The following ACOX3 variants were observed in gnomAD, a reference collection of about 807,000 sequenced individuals.
ACOX3 encodes the protein acyl-CoA oxidase 3, pristanoyl, also known as peroxisomal acyl-coenzyme A oxidase 3.
In ACOX3, 73 loss-of-function variants were observed where a neutral mutation model predicts 81.5. That is an observed-to-expected ratio of 0.90 (90% CI 0.74 to 1.09). The LOEUF is 1.09. ACOX3 is among the 50% of genes least tolerant of loss of function. The pLI is 0.00. For missense variants in ACOX3, 947 were observed against 928.0 expected (o/e 1.02, Z -0.27); for synonymous variants, 387 against 375.1 (o/e 1.03, Z -0.37).
chr4:8,436,125 A>G (rs1267245904), intron 1 of ACOX3: 1 of 152,170 alleles, frequency 6.6e-6, no homozygotes, highest in Non-Finnish European at 1.5e-5. Context: ...CCATTGATCT[A>G]CTAAACTGGA....
At position 8,437,885 on chromosome 4, in the gene ACOX3, C is replaced by CTTA. The variant is rs756881018; in HGVS notation, c.-15+2760_-15+2762dup. On this transcript the variant is annotated intron_variant, in intron 1 of 17. Transcript: ENST00000356406. This position sits in a 1 kb window ranked among gnomAD's most constrained non-coding sequence, Gnocchi z 5.2. Reference sequence around the variant, plus strand: ...AAGACTAGGGCAGACTAGGCACCTTCTTATTAGGCTCCCAGGAGCCCATTG... The same window carrying CTTA: ...AAGACTAGGGCAGACTAGGCACCTTCTTATTATTAGGCTCCCAGGAGCCCATTG... Among the ~76,000 whole-genome samples the CTTA allele has an allele frequency of 2.1e-4, 32 of 152,342 alleles. No individual in the cohort carries two copies. The highest frequency in any genetic ancestry group is 4.1e-4 in the Non-Finnish European group (28 of 68,030).
Position 8,387,700 on chromosome 4 carries a change from G to A in ACOX3, c.1537+1473C>T, listed in dbSNP as rs1007772325. On this transcript the variant is annotated intron_variant, in intron 13 of 17. Coordinates refer to ENST00000356406, the MANE Select transcript of ACOX3 (RefSeq NM_003501.3). The stretch of plus-strand genomic sequence containing the variant: ...TCCAGCCCTGCTCTTCTGTCAAATC[G>A]CACCCAGACCACTGGGCAAGAAGCA... 3.3e-5 allele frequency among the ~76,000 whole-genome samples: 5 copies of A among 152,286 alleles called. 1 individual carries two copies. The highest frequency in any genetic ancestry group is 3.9e-4 in the East Asian group (2 of 5,168).
At chr4:8,367,879 C>T (rs1334532313) in intron 17 of ACOX3, among the ~76,000 whole-genome samples, 1 of 142,984 alleles carries the variant, frequency 7.0e-6, no homozygotes, top group African/African-American at 2.6e-5. Flanking sequence ...GTAGTTCTAG[C>T]TACTTGGGAG....
chr4:8,416,357 G>A lies in ACOX3; in HGVS notation c.144+21C>T, dbSNP rs1322757234. Reference sequence around the variant, plus strand: ...ACCCCACTGGGAAAAAAGACAAGCTGCGCACAACCGCACGCCTCACCTTAA... The same window carrying A: ...ACCCCACTGGGAAAAAAGACAAGCTACGCACAACCGCACGCCTCACCTTAA... On this transcript the variant is annotated intron_variant, in intron 2 of 17. Transcript: ENST00000356406. The surrounding 1 kb of genome is among the most constrained non-coding windows in gnomAD (Gnocchi z 4.2). 1 of 1,614,046 alleles carries A rather than the reference G, an allele frequency of 6.2e-7. No homozygotes were observed. Among genetic ancestry groups the A allele is most frequent in the Non-Finnish European group, 8.5e-7 (1 of 1,180,030 alleles).
chr4:8,356,586 G>A, the ACOX3 span: 9 of 456,574 alleles, frequency 2.0e-5, no homozygotes, highest in Non-Finnish European at 4.0e-5. Context: ...CACAGAGGAA[G>A]AAAGTGTGCA....
chr4:8,373,441 TGTCA>T (rs1716507236), intron 16 of ACOX3, 116 bp downstream of exon 16: 3 of 1,032,744 alleles, frequency 2.9e-6, no homozygotes, highest in Middle Eastern at 2.8e-4. Context: ...AGGGGGTGCG[TGTCA>T]GTCTGGGTGA....
At chr4:8,375,787 A>G (rs10030108) in intron 14 of ACOX3, among the ~76,000 whole-genome samples, 104,678 of 152,154 alleles carry the variant, frequency 0.69, 37,428 homozygotes, top group African/African-American at 0.89. Context: ...CTGTTGCTGC[A>G]TTAGTCTGCT....
At chr4:8,374,775 G>T in intron 15 of ACOX3, 2 of 496,170 alleles carry the variant, frequency 4.0e-6, no homozygotes, top group Non-Finnish European at 6.7e-6. Context: ...AAGAAAAATT[G>T]GGTTTCTCGG....
At position 8,437,378 on chromosome 4, in the gene ACOX3, C is replaced by T. The variant is rs1051654500; in HGVS notation, c.-15+3270G>A. On this transcript the variant is annotated intron_variant, in intron 1 of 17. Coordinates refer to ENST00000356406, the MANE Select transcript of ACOX3 (RefSeq NM_003501.3). The surrounding 1 kb of genome is among the most constrained non-coding windows in gnomAD (Gnocchi z 5.2). Reference sequence around the variant, plus strand: ...TAGAAAAAAAGAGGAGGCTAGAGACCGGTGCCAAGAGAAGAGCAAAACAAA... The same window carrying T: ...TAGAAAAAAAGAGGAGGCTAGAGACTGGTGCCAAGAGAAGAGCAAAACAAA... Among the ~76,000 whole-genome samples, 5 of 151,850 alleles carry T rather than the reference C, an allele frequency of 3.3e-5. No homozygotes were observed. The highest frequency in any genetic ancestry group is 2.9e-5 in the Non-Finnish European group (2 of 67,998).
At position 8,389,359 on chromosome 4, in the gene ACOX3, C is replaced by T. The variant is rs1718690043; in HGVS notation, c.1424-73G>A. The stretch of plus-strand genomic sequence containing the variant: ...CATTGGGAACCCCAAGCTGGGGGCA[C>T]CCCAAAGCACAGAGAGTGTCCAGAG... On this transcript the variant is annotated intron_variant, in intron 12 of 17. Transcript: ENST00000356406. This position sits in a 1 kb window ranked among gnomAD's most constrained non-coding sequence, Gnocchi z 5.3. The T allele has an allele frequency of 6.8e-7, 1 of 1,461,682 alleles. No homozygotes were observed. Among genetic ancestry groups the T allele is most frequent in the Non-Finnish European group, 9.4e-7 (1 of 1,066,158 alleles). 90.5% of individuals were successfully genotyped at this position (1,461,682 alleles called of 1,614,324 possible).
chr4:8,359,439 G>C, the ACOX3 span, among the ~76,000 whole-genome samples: 1,095 of 152,220 alleles, frequency 7.2e-3, 10 homozygotes, highest in African/African-American at 0.025. This position sits in a 1 kb window ranked among gnomAD's most constrained non-coding sequence, Gnocchi z 6.0. Context: ...TCCCTTCTCA[G>C]ATTTAGGGGG....
chr4:8,439,931 TAGAA>T (rs886917526), intron 1 of ACOX3, among the ~76,000 whole-genome samples: 7 of 125,106 alleles, frequency 5.6e-5, no homozygotes, highest in Admixed American at 7.8e-5. Flanking sequence ...AGCAAAAAGT[TAGAA>T]AGAAACAAAA....
At position 8,368,649 on chromosome 4, in the gene ACOX3, T is replaced by A. The variant is rs1449942548; in HGVS notation, c.1984-1569A>T. On this transcript the variant is annotated intron_variant, in intron 17 of 17. Transcript: ENST00000356406. The surrounding 1 kb of genome is among the most constrained non-coding windows in gnomAD (Gnocchi z 5.9). ...AGGATGGTCTCAACTCCCCTGCAGCTCTGTTTGTTCGCTTATAGTGAATTT... is the reference window on the plus strand; with the variant it reads ...AGGATGGTCTCAACTCCCCTGCAGCACTGTTTGTTCGCTTATAGTGAATTT... Among the ~76,000 whole-genome samples the A allele has an allele frequency of 6.6e-6, 1 of 152,106 alleles. No individual in the cohort carries two copies. The highest frequency in any genetic ancestry group is 1.9e-4 in the East Asian group (1 of 5,184).
chr4:8,389,121 G>A lies in ACOX3; in HGVS notation c.1537+52C>T. The A allele has an allele frequency of 6.7e-7, 1 of 1,487,872 alleles. No individual in the cohort carries two copies. Among genetic ancestry groups the A allele is most frequent in the Non-Finnish European group, 9.3e-7 (1 of 1,070,442 alleles). The allele number at this position is 1,487,872 out of a possible 1,614,324, so 92.2% of individuals were successfully genotyped here. A position where few individuals can be genotyped will look rare whatever the true frequency, so the allele number is the denominator to read the frequency against. On this transcript the variant is annotated intron_variant, in intron 13 of 17. Transcript: ENST00000356406. This position sits in a 1 kb window ranked among gnomAD's most constrained non-coding sequence, Gnocchi z 5.3. ...ACCGAGGCACGGTGCGTTTCCTGGT[G>A]GGAATGACAGGAAATCAGGAGGCCA...
intron 1 of ACOX3, among the ~76,000 whole-genome samples, chr4:8,426,891 C>T (rs1242594091): frequency 6.6e-6 from 1 of 152,134 alleles, no homozygotes; most frequent in Non-Finnish European, 1.5e-5. Context: ...TTGATGACAT[C>T]GAAGGCACCA....
rs1250843810 is a variant in ACOX3 at position 8,381,705 on chromosome 4, G to T, written c.1538-98C>A. On this transcript the variant is annotated intron_variant, in intron 13 of 17. Transcript: ENST00000356406. The surrounding 1 kb of genome is among the most constrained non-coding windows in gnomAD (Gnocchi z 4.3). ...GACAAGGCACTGCCAGCATCCTGCA[G>T]GTACCAGGTTGTCTTCATTGACAAC... 5 of 877,430 alleles carry T rather than the reference G, an allele frequency of 5.7e-6. No individual in the cohort carries two copies. Among genetic ancestry groups the T allele is most frequent in the Non-Finnish European group, 9.0e-6 (5 of 556,430 alleles). The allele number at this position is 877,430 out of a possible 1,614,324, so 54.4% of individuals were successfully genotyped here.
rs1724315149 is a variant in ACOX3, at chr4:8,437,350, A to G, written c.-15+3298T>C. ...AAATTCCTCTCCCCGGCTCAGCTCTATCTAGAAAAAAAGAGGAGGCTAGAG... is the reference window on the plus strand; with the variant it reads ...AAATTCCTCTCCCCGGCTCAGCTCTGTCTAGAAAAAAAGAGGAGGCTAGAG... On this transcript the variant is annotated intron_variant, in intron 1 of 17. Coordinates refer to ENST00000356406, the MANE Select transcript of ACOX3 (RefSeq NM_003501.3). The surrounding 1 kb of genome is among the most constrained non-coding windows in gnomAD (Gnocchi z 5.2). 6.6e-6 allele frequency among the ~76,000 whole-genome samples: 1 copy of G among 152,026 alleles called. No individual in the cohort carries two copies. Among genetic ancestry groups the G allele is most frequent in the African/African-American group, 2.4e-5 (1 of 41,422 alleles).
chr4:8,410,210 A>G lies in ACOX3; in HGVS notation c.687+2T>C, dbSNP rs200437511. 6.9e-5 allele frequency: 112 copies of G among 1,613,596 alleles called. No individual in the cohort carries two copies. Among genetic ancestry groups the G allele is most frequent in the Non-Finnish European group, 7.1e-5 (84 of 1,179,776 alleles). On this transcript the variant is annotated splice_donor_variant, in intron 6 of 17. Transcript: ENST00000356406. LOFTEE classifies it high-confidence loss of function. Reference sequence around the variant, plus strand: ...CCACTGAGGGCCACCCCAGCGTCCTACCTGCACGATAAAGGGATGCAGCCC... The same window carrying G: ...CCACTGAGGGCCACCCCAGCGTCCTGCCTGCACGATAAAGGGATGCAGCCC...
intron 17 of ACOX3, among the ~76,000 whole-genome samples, chr4:8,367,375 C>T (rs1021997697): frequency 4.6e-5 from 7 of 151,942 alleles, no homozygotes; most frequent in Admixed American, 3.3e-4. Context: ...CCCAGCTACT[C>T]GGAAGGCTGA....
Sources: allele counts gnomAD v4.1 joint callset (sites outside exome capture counted in the v4.1 genomes callset), GRCh38; gene constraint gnomAD v4.1.1; non-coding constraint Gnocchi (gnomAD v3.1); transcripts MANE v1.5; gene names NCBI Gene and HGNC (gene_info 2026-07-23, HGNC 2026-07-21).